TIAM1: variants seen among roughly 807,000 people sequenced by gnomAD.
The protein encoded by TIAM1 is TIAM Rac1 associated GEF 1.
Under a neutral mutation model 163.5 loss-of-function variants are expected in TIAM1, and 65 were observed. The observed-to-expected ratio is 0.40, with a 90% CI of 0.33 to 0.49. The LOEUF (loss-of-function observed/expected upper bound fraction) is 0.49. Among genes scored for constraint, TIAM1 ranks in the 20% least tolerant of loss-of-function variants. The probability of loss-of-function intolerance (pLI) is 0.77; values close to 1 mark genes in which losing one functional copy is unlikely to be tolerated. For synonymous variants in TIAM1, 833 were observed against 810.1 expected, an observed-to-expected ratio of 1.03 and a Z score of -0.48; for missense variants, 1,789 against 2,044.7, an observed-to-expected ratio of 0.87 and a Z score of 2.41.
intron 11 of TIAM1, 83 bp downstream of exon 11, chr21:31,209,962 C>G: frequency 6.8e-7 from 1 of 1,476,848 alleles, no homozygotes; most frequent in Non-Finnish European, 9.1e-7. Flanking sequence ...TCCCACACGG[C>G]TCTGGGTTTC....
chr21:31,497,955 A>G (rs1407495994), intron 1 of TIAM1, among the ~76,000 whole-genome samples: 1 of 152,242 alleles, frequency 6.6e-6, no homozygotes, highest in African/African-American at 2.4e-5. Flanking sequence ...ACAAGCCACA[A>G]TTCCCCATAG....
At chr21:31,516,268 C>T (rs1045442893) in intron 1 of TIAM1, among the ~76,000 whole-genome samples, 2 of 150,700 alleles carry the variant, frequency 1.3e-5, no homozygotes, top group Non-Finnish European at 3.0e-5. Context: ...AAAAATTAGC[C>T]GGGAGTGGTG....
intron 2 of TIAM1, among the ~76,000 whole-genome samples, chr21:31,411,637 A>G (rs762542581): frequency 1.2e-4 from 18 of 152,052 alleles, no homozygotes; most frequent in Admixed American, 3.9e-4. Context: ...CACCATGCCC[A>G]GCTAATTTTT....
intron 2 of TIAM1, among the ~76,000 whole-genome samples, chr21:31,411,910 C>T (rs967382700): frequency 6.6e-6 from 1 of 152,042 alleles, no homozygotes. Flanking sequence ...AAGTGCATTT[C>T]GTCAGCTCTT....
chr21:31,324,435 C>T (rs182368757), intron 2 of TIAM1, among the ~76,000 whole-genome samples: 12 of 152,314 alleles, frequency 7.9e-5, no homozygotes, highest in African/African-American at 2.9e-4. Context: ...TAGTAATTGA[C>T]ACTTGTAGAG....
chr21:31,163,314 G>A (rs1380802296), intron 16 of TIAM1, among the ~76,000 whole-genome samples: 1 of 152,110 alleles, frequency 6.6e-6, no homozygotes, highest in Non-Finnish European at 1.5e-5. Flanking sequence ...GAGGACAACT[G>A]ACCGACCCCA....
At chr21:31,130,975 A>G (rs2146235038) in intron 23 of TIAM1, 27 bp from the exon 24 acceptor site, 1 of 1,599,022 alleles carries the variant, frequency 6.3e-7, no homozygotes, top group Non-Finnish European at 8.6e-7. Flanking sequence ...AAAGACAGTT[A>G]TGGTATGTCA....
chr21:31,473,138 A>G (rs1360804812), intron 1 of TIAM1, among the ~76,000 whole-genome samples: 2 of 152,150 alleles, frequency 1.3e-5, no homozygotes. Flanking sequence ...TACTTACAAA[A>G]AGAACATGGC....
intron 2 of TIAM1, among the ~76,000 whole-genome samples, chr21:31,360,195 GTGTT>G (rs1195805926): frequency 6.6e-6 from 1 of 152,064 alleles, no homozygotes; most frequent in African/African-American, 2.4e-5. Flanking sequence ...TATCTTCTAA[GTGTT>G]TGAAGAAAAT....
At chr21:31,521,787 G>GC (rs1011720162) in intron 1 of TIAM1, among the ~76,000 whole-genome samples, 2 of 112,884 alleles carry the variant, frequency 1.8e-5, no homozygotes, top group Non-Finnish European at 4.2e-5. Flanking sequence ...CAAAGTAAAG[G>GC]ACAGTAAGAA....
intron 2 of TIAM1, among the ~76,000 whole-genome samples, chr21:31,305,791 C>T (rs1248946795): frequency 1.3e-5 from 2 of 152,138 alleles, no homozygotes; most frequent in Non-Finnish European, 2.9e-5. Context: ...AAACAATTCT[C>T]CCTAAAACCT....
rs181216634 is a variant in TIAM1, at chr21:31,365,546, G to A, written c.-368-26124C>T. 3.3e-3 allele frequency among the ~76,000 whole-genome samples: 504 copies of A among 151,652 alleles called. 8 individuals carry two copies. Among genetic ancestry groups the A allele is most frequent in the Admixed American group, 0.028 (430 of 15,254 alleles). Reference sequence around the variant, plus strand: ...TGGGACTACAGGCACCCGCCACCACGCCTGGCTAATTTTTTGTATTTTTTA... The same window carrying A: ...TGGGACTACAGGCACCCGCCACCACACCTGGCTAATTTTTTGTATTTTTTA... On this transcript the variant is annotated intron_variant, in intron 2 of 28. Transcript: ENST00000286827.
At chr21:31,555,922 G>A (rs2048861900) in intron 1 of TIAM1, among the ~76,000 whole-genome samples, 1 of 152,082 alleles carries the variant, frequency 6.6e-6, no homozygotes. Context: ...AAGGAGACAG[G>A]CCCAACGCTG....
intron 22 of TIAM1, among the ~76,000 whole-genome samples, chr21:31,137,849 A>T (rs182018937): frequency 2.5e-4 from 38 of 150,302 alleles, no homozygotes; most frequent in Admixed American, 4.7e-4. Context: ...TAACCAAGAG[A>T]AACCAAACCT....
At chr21:31,171,905 G>A (rs888224747) in intron 15 of TIAM1, among the ~76,000 whole-genome samples, 3 of 152,180 alleles carry the variant, frequency 2.0e-5, no homozygotes, top group African/African-American at 7.2e-5. Context: ...ATACGTGGGA[G>A]TGAGTAAGGC....
At chr21:31,515,158 G>T (rs961132864) in intron 1 of TIAM1, among the ~76,000 whole-genome samples, 2 of 151,976 alleles carry the variant, frequency 1.3e-5, no homozygotes, top group Non-Finnish European at 2.9e-5. Flanking sequence ...CTTCGCTATC[G>T]ACCCACAGGC....
chr21:31,341,457 C>G (rs956006944), intron 1 of TIAM1, among the ~76,000 whole-genome samples: 3 of 152,182 alleles, frequency 2.0e-5, no homozygotes, highest in Non-Finnish European at 4.4e-5. Context: ...GAAGTGTCTT[C>G]TCCAGTCATT....
rs762959067 is a variant in TIAM1, at chr21:31,251,910, C to G, written c.1243G>C (p.Gly415Arg). ...GACTGGCCCGGAGAGCTCAGGGTGC[C>G]GCTGCTCTGCTCATCGCTGTGCGCC... ...GSAHSDEQSS[G>R]TLSSPGQSDI... The change falls in exon 5 of 28, where the codon GGC becomes CGC. Residue 415 changes from glycine to arginine, a missense_variant. Physicochemically the swap from Gly to Arg is moderately radical, Grantham distance 125. Around this residue, in one of 5 missense-constraint regions of TIAM1, gnomAD observed 555 missense variants for 564.9 expected, o/e 0.98. Coordinates refer to ENST00000541036, the MANE Select transcript of TIAM1 (RefSeq NM_001353694.2). 1.2e-5 allele frequency: 19 copies of G among 1,613,672 alleles called. No individual in the cohort carries two copies. The highest frequency in any genetic ancestry group is 1.6e-5 in the Non-Finnish European group (19 of 1,179,916).
intron 2 of TIAM1, among the ~76,000 whole-genome samples, chr21:31,380,210 A>T (rs1233218170): frequency 6.6e-6 from 1 of 152,100 alleles, no homozygotes; most frequent in East Asian, 1.9e-4. Flanking sequence ...TTGCAGTTGG[A>T]GCACGCCACC....
Sources: allele counts gnomAD v4.1 joint callset (sites outside exome capture counted in the v4.1 genomes callset), GRCh38; gene constraint gnomAD v4.1.1; regional missense constraint gnomAD v4.1.1; transcripts MANE v1.5; gene names NCBI Gene and HGNC (gene_info 2026-07-23, HGNC 2026-07-21).